Variants in KCNJ3 observed in about 807,000 individuals in gnomAD.
KCNJ3 encodes G protein-activated inward rectifier potassium channel 1.
KCNJ3 carries 4 observed loss-of-function variants against 39.2 expected under a neutral mutation model. That is an observed-to-expected ratio of 0.10 (90% CI 0.05 to 0.23). The LOEUF (loss-of-function observed/expected upper bound fraction) is 0.23, where lower values mean the gene tolerates loss of function less well. Among genes scored for constraint, KCNJ3 ranks in the 10% least tolerant of loss-of-function variants. The pLI is 1.00. For missense variants in KCNJ3, 276 were observed against 634.9 expected (o/e 0.43, Z 6.08); for synonymous variants, 230 against 237.4 (o/e 0.97, Z 0.29).
intron 2 of KCNJ3, among the ~76,000 whole-genome samples, chr2:154,810,935 A>T (rs570221849): frequency 6.6e-6 from 1 of 152,312 alleles, no homozygotes; most frequent in South Asian, 2.1e-4. Context: ...CTAATGGATG[A>T]TCCTTTTACT....
chr2:154,719,082 C>T (rs187125505), intron 2 of KCNJ3, among the ~76,000 whole-genome samples: 1 of 152,264 alleles, frequency 6.6e-6, no homozygotes, highest in East Asian at 1.9e-4. Context: ...CTACCTGTAT[C>T]ATAATCTCAT....
At chr2:154,726,792 T>TACACACACACACAC (rs1421883511) in intron 2 of KCNJ3, among the ~76,000 whole-genome samples, 4 of 101,312 alleles carry the variant, frequency 3.9e-5, no homozygotes, top group African/African-American at 1.2e-4. Context: ...ACATTTTATA[T>TACACACACACACAC]ACATACACAC....
chr2:154,789,102 T>A (rs1461674065), intron 2 of KCNJ3, among the ~76,000 whole-genome samples: 9 of 152,072 alleles, frequency 5.9e-5, no homozygotes, highest in African/African-American at 2.2e-4. Flanking sequence ...TCCAAAACCT[T>A]TAATTTGTTG....
At chr2:154,770,870 G>T (rs921644587) in intron 2 of KCNJ3, among the ~76,000 whole-genome samples, 1 of 149,560 alleles carries the variant, frequency 6.7e-6, no homozygotes, top group Non-Finnish European at 1.5e-5. Flanking sequence ...TAAGTCTCAA[G>T]ATTTTTTTCT....
chr2:154,808,748 CAAG>C (rs1405248484), intron 2 of KCNJ3, among the ~76,000 whole-genome samples: 1 of 152,020 alleles, frequency 6.6e-6, no homozygotes, highest in Non-Finnish European at 1.5e-5. Context: ...ATGAGACAAT[CAAG>C]AAAAAAATTA....
chr2:154,737,721 G>A lies in KCNJ3; in HGVS notation c.919+27902G>A, dbSNP rs1008017087. On this transcript the variant is annotated intron_variant, in intron 2 of 2. Coordinates refer to ENST00000295101, the MANE Select transcript of KCNJ3 (RefSeq NM_002239.4). ...ATTAAACATTGCAGAAGGAAAGACTGGTGAATTTGAAGACATGGTAATGGA... is the reference window on the plus strand; with the variant it reads ...ATTAAACATTGCAGAAGGAAAGACTAGTGAATTTGAAGACATGGTAATGGA... 6.6e-5 allele frequency among the ~76,000 whole-genome samples: 10 copies of A among 152,062 alleles called. No individual in the cohort carries two copies. The South Asian group carries it at 1.5e-3, about 22-fold the overall frequency.
intron 2 of KCNJ3, among the ~76,000 whole-genome samples, chr2:154,740,634 A>G (rs1234870037): frequency 6.6e-6 from 1 of 151,954 alleles, no homozygotes; most frequent in African/African-American, 2.4e-5. Context: ...CCTGCTACAG[A>G]TGGTAGGCTT....
chr2:154,840,927 C>G (rs1291478524), intron 2 of KCNJ3, among the ~76,000 whole-genome samples: 2 of 152,100 alleles, frequency 1.3e-5, no homozygotes, highest in African/African-American at 4.8e-5. Flanking sequence ...CCCTTTATTT[C>G]TTTGTCTTTC....
intron 2 of KCNJ3, among the ~76,000 whole-genome samples, chr2:154,764,444 A>G (rs143621761): frequency 9.2e-5 from 14 of 152,324 alleles, no homozygotes; most frequent in African/African-American, 3.1e-4. Flanking sequence ...AAAATGTTGA[A>G]TACTACATAC....
intron 2 of KCNJ3, among the ~76,000 whole-genome samples, chr2:154,801,480 C>G (rs1431254526): frequency 7.4e-6 from 1 of 135,470 alleles, no homozygotes; most frequent in Non-Finnish European, 1.7e-5. Flanking sequence ...CTCCCTCCCT[C>G]CTTTCTTTTC....
At chr2:154,761,207 A>G (rs1341878791) in intron 2 of KCNJ3, among the ~76,000 whole-genome samples, 1 of 151,342 alleles carries the variant, frequency 6.6e-6, no homozygotes, top group Non-Finnish European at 1.5e-5. Context: ...TTGTTTTAAT[A>G]TGGATAGTTG....
intron 2 of KCNJ3, among the ~76,000 whole-genome samples, chr2:154,722,236 C>A (rs899108475): frequency 5.3e-5 from 8 of 152,018 alleles, no homozygotes; most frequent in Non-Finnish European, 1.0e-4. Flanking sequence ...GTGCCAGACA[C>A]TGAGTACACA....
At chr2:154,835,568 T>C (rs1051699107) in intron 2 of KCNJ3, among the ~76,000 whole-genome samples, 8 of 151,030 alleles carry the variant, frequency 5.3e-5, no homozygotes, top group African/African-American at 1.9e-4. Flanking sequence ...TGTGGATAAG[T>C]TTGGCCACAA....
chr2:154,781,699 GA>G (rs1187113446), intron 2 of KCNJ3, among the ~76,000 whole-genome samples: 1 of 151,248 alleles, frequency 6.6e-6, no homozygotes, highest in Non-Finnish European at 1.5e-5. Flanking sequence ...ATCTTAAATT[GA>G]AAAAAAAGTC....
chr2:154,767,180 C>G (rs897628222), intron 2 of KCNJ3, among the ~76,000 whole-genome samples: 3 of 148,070 alleles, frequency 2.0e-5, no homozygotes, highest in African/African-American at 7.8e-5. Flanking sequence ...CTAGTACATT[C>G]TTTACCTTTT....
intron 2 of KCNJ3, among the ~76,000 whole-genome samples, chr2:154,833,167 G>T (rs1052318407): frequency 1.3e-5 from 2 of 152,034 alleles, no homozygotes; most frequent in African/African-American, 4.8e-5. Flanking sequence ...TATGCATCAC[G>T]GTATGTAGGT....
chr2:154,710,600 T>A (rs2105152298), intron 2 of KCNJ3, among the ~76,000 whole-genome samples: 1 of 152,216 alleles, frequency 6.6e-6, no homozygotes, highest in Middle Eastern at 3.4e-3. Flanking sequence ...GTAGTTTCCA[T>A]ATAATTGTAT....
At chr2:154,842,088 A>G (rs1253878247) in intron 2 of KCNJ3, among the ~76,000 whole-genome samples, 1 of 152,086 alleles carries the variant, frequency 6.6e-6, no homozygotes, top group African/African-American at 2.4e-5. Context: ...ATTGCTATAA[A>G]TTTCCCTCTA....
At position 154,855,013 on chromosome 2, in the gene KCNJ3, G is replaced by C. The variant is rs765340601; in HGVS notation, c.1206G>C (p.Lys402Asn). Residue 402 changes from lysine (K) to asparagine (N), a missense_variant, in exon 3 of 3, where the codon AAG (lysine) becomes AAC (asparagine). Lys to Asn is a moderately conservative substitution (Grantham distance 94, BLOSUM62 0). This residue lies in a region of KCNJ3 where 126 missense variants were observed against 179.8 expected (regional missense o/e 0.70). Coordinates refer to ENST00000295101, the MANE Select transcript of KCNJ3 (RefSeq NM_002239.4). ...LDDITTKLPS[K>N]LQKITGREDF... ...ATATTACTACAAAACTACCATCTAA[G>C]CTGCAGAAAATTACTGGAAGAGAAG... 6.2e-7 allele frequency: 1 copy of C among 1,614,078 alleles called. No homozygotes were observed.
Sources: gnomAD v4.1 joint callset for allele counts (sites outside exome capture counted in the v4.1 genomes callset) on GRCh38, gnomAD v4.1.1 for gene constraint, gnomAD v4.1.1 regional missense constraint, MANE v1.5 for transcripts, NCBI Gene and HGNC (gene_info 2026-07-23, HGNC 2026-07-21) for gene names.